Variants in AKT3 observed in about 807,000 individuals in gnomAD.
AKT3 encodes the protein RAC-gamma serine/threonine-protein kinase.
AKT3 carries 15 observed loss-of-function variants against 65.3 expected under a neutral mutation model. That is an observed-to-expected ratio of 0.23 (90% confidence interval 0.15 to 0.35). AKT3 has a LOEUF of 0.35. AKT3 is among the 10% of genes least tolerant of loss of function. The pLI is 1.00. For missense variants in AKT3, 243 were observed against 576.5 expected, an observed-to-expected ratio of 0.42 and a Z score of 5.92; for synonymous variants, 206 against 183.8, an observed-to-expected ratio of 1.12 and a Z score of -0.98.
chr1:243,799,039 G>A (rs892100431), intron 2 of AKT3, among the ~76,000 whole-genome samples: 3 of 152,210 alleles, frequency 2.0e-5, no homozygotes, highest in African/African-American at 7.2e-5. Flanking sequence ...TGAGCTGACT[G>A]ACATAGGACT....
At chr1:243,833,408 G>A (rs536083965) in intron 2 of AKT3, among the ~76,000 whole-genome samples, 47 of 152,184 alleles carry the variant, frequency 3.1e-4, no homozygotes, top group Non-Finnish European at 4.0e-4. Context: ...TTCACAGGGC[G>A]GCAGGAAGGC....
At chr1:243,674,431 C>T (rs1003575685) in intron 3 of AKT3, among the ~76,000 whole-genome samples, 2 of 152,084 alleles carry the variant, frequency 1.3e-5, no homozygotes, top group South Asian at 2.1e-4. Context: ...CACAGACTCA[C>T]GAAGGAAACA....
intron 9 of AKT3, among the ~76,000 whole-genome samples, chr1:243,570,837 T>C (rs1264133444): frequency 6.6e-6 from 1 of 152,244 alleles, no homozygotes; most frequent in East Asian, 1.9e-4. Flanking sequence ...GGCTATATTT[T>C]TTAAGAAATA....
Position 243,552,629 on chromosome 1 carries a change from AT to A in AKT3, c.1163+99del. 2.8e-6 allele frequency: 3 copies of A among 1,082,428 alleles called. No individual in the cohort carries two copies. The South Asian group carries it at 4.2e-5, about 15-fold the overall frequency. The allele number at this position is 1,082,428 out of a possible 1,614,324, so 67.1% of individuals were successfully genotyped here. A position where few individuals can be genotyped will look rare whatever the true frequency, so the allele number is the denominator to read the frequency against. On this transcript the variant is annotated intron_variant, in intron 11 of 13. Transcript: ENST00000673466. ...CTCAGTGGGAAGATGTCTACACCAA[AT>A]ACATTGCTTCTTGGAGTTAGTTATA... is the stretch of plus-strand genomic sequence containing the variant.
Position 243,494,577 on chromosome 1 carries a change from G to A in AKT3, c.*6+5160C>T, listed in dbSNP as rs538761366. Among the ~76,000 whole-genome samples the A allele has an allele frequency of 6.6e-4, 101 of 152,224 alleles. No individual in the cohort carries two copies. The South Asian group carries it at 8.3e-3, about 12-fold the overall frequency. ...TTTTTGTTTTTTGACTGAGCGCCCC[G>A]TGTATAATTAATATTGAAAAGCGCA... is the stretch of plus-strand genomic sequence containing the variant. On this transcript the variant is annotated intron_variant, in intron 13 of 13. Transcript: ENST00000336199.
rs1438358331 is a variant in AKT3, at chr1:243,795,510, C to T, written c.46+47615G>A. 2.1e-4 allele frequency among the ~76,000 whole-genome samples: 23 copies of T among 108,120 alleles called. No homozygotes were observed. In the Admixed American group the frequency reaches 3.2e-3, roughly 15 times the overall value. The allele number at this position is 108,120 out of a possible 152,430, so 70.9% of individuals were successfully genotyped here. ...TTTTTGAGACGGAGTCTCGCTCTGTCGCCCAGGCTGGAGTGCAGTGGCGGG... is the reference window on the plus strand; with the variant it reads ...TTTTTGAGACGGAGTCTCGCTCTGTTGCCCAGGCTGGAGTGCAGTGGCGGG... On this transcript the variant is annotated intron_variant, in intron 2 of 13. Transcript: ENST00000673466.
chr1:243,774,858 G>A (rs1180539207), intron 2 of AKT3, among the ~76,000 whole-genome samples: 1 of 151,946 alleles, frequency 6.6e-6, no homozygotes, highest in Non-Finnish European at 1.5e-5. Flanking sequence ...ATTTCACATT[G>A]TATTCCAATT....
chr1:243,569,939 G>A (rs778883384), intron 9 of AKT3, among the ~76,000 whole-genome samples: 5 of 152,112 alleles, frequency 3.3e-5, no homozygotes, highest in Non-Finnish European at 5.9e-5. Flanking sequence ...AGATTTCTTC[G>A]AAATTTTGGG....
chr1:243,522,856 T>C (rs1297205639), intron 12 of AKT3, among the ~76,000 whole-genome samples: 1 of 152,130 alleles, frequency 6.6e-6, no homozygotes, highest in African/African-American at 2.4e-5. Context: ...GAGAAATTCC[T>C]ATTATATTTC....
chr1:243,615,179 C>T lies in AKT3; in HGVS notation c.562-18G>A. The T allele has an allele frequency of 6.3e-7, 1 of 1,587,062 alleles. No individual in the cohort carries two copies. The highest frequency in any genetic ancestry group is 8.6e-7 in the Non-Finnish European group (1 of 1,160,382). ...ACTTCATCCTACAAAAGAAAAAAAG[C>T]AAACCTTCAATATATGTTTTGAGCA... On this transcript the variant is annotated intron_variant, in intron 6 of 13. Coordinates refer to ENST00000673466, the MANE Select transcript of AKT3 (RefSeq NM_005465.7).
chr1:243,682,071 G>C (rs1312054498), intron 3 of AKT3, among the ~76,000 whole-genome samples: 1 of 151,428 alleles, frequency 6.6e-6, no homozygotes, highest in Non-Finnish European at 1.5e-5. Flanking sequence ...CCTCTTTCTA[G>C]AAACTATAAA....
At chr1:243,722,727 C>T (rs901199430) in intron 2 of AKT3, among the ~76,000 whole-genome samples, 1 of 152,068 alleles carries the variant, frequency 6.6e-6, no homozygotes, top group Non-Finnish European at 1.5e-5. Flanking sequence ...TTCAATAAAA[C>T]ATCAACTAAC....
chr1:243,702,096 C>A (rs1572196489), intron 2 of AKT3, among the ~76,000 whole-genome samples: 1 of 101,736 alleles, frequency 9.8e-6, no homozygotes, highest in Admixed American at 1.2e-4. Flanking sequence ...GGGAGAGAGC[C>A]ATAGAATTTA....
chr1:243,801,312 A>G (rs937875907), intron 2 of AKT3, among the ~76,000 whole-genome samples: 2 of 152,226 alleles, frequency 1.3e-5, no homozygotes, highest in African/African-American at 4.8e-5. Context: ...GAAATCCTTA[A>G]AAGAAAAAAA....
chr1:243,771,728 G>C (rs553438140), intron 2 of AKT3, among the ~76,000 whole-genome samples: 2 of 152,184 alleles, frequency 1.3e-5, no homozygotes, highest in South Asian at 2.1e-4. Flanking sequence ...ATGACAAGCA[G>C]AATGGTCTCA....
chr1:243,613,915 A>C (rs1010460435), intron 7 of AKT3, among the ~76,000 whole-genome samples, 176 bp from the exon 8 acceptor site: 1 of 152,256 alleles, frequency 6.6e-6, no homozygotes, highest in African/African-American at 2.4e-5. Context: ...AACATAAAAC[A>C]AATGTTTAGT....
At chr1:243,702,029 C>A (rs1159620155) in intron 2 of AKT3, among the ~76,000 whole-genome samples, 2 of 147,650 alleles carry the variant, frequency 1.4e-5, no homozygotes, top group Non-Finnish European at 3.0e-5. Context: ...TACATCTATA[C>A]TTAATGCATG....
chr1:243,737,457 C>T (rs763747421), intron 2 of AKT3, among the ~76,000 whole-genome samples: 7 of 151,970 alleles, frequency 4.6e-5, no homozygotes, highest in Non-Finnish European at 1.0e-4. Context: ...CTTTCCCTAC[C>T]ACAGCATTTA....
chr1:243,716,483 T>C (rs1686521384), intron 2 of AKT3, among the ~76,000 whole-genome samples: 1 of 152,174 alleles, frequency 6.6e-6, no homozygotes, highest in South Asian at 2.1e-4. Context: ...AAGAAAATAA[T>C]GCAGTGGTCT....
Sources: gnomAD v4.1 joint callset for allele counts (sites outside exome capture counted in the v4.1 genomes callset) on GRCh38, gnomAD v4.1.1 for gene constraint, MANE v1.5 for transcripts, NCBI Gene and HGNC (gene_info 2026-07-23, HGNC 2026-07-21) for gene names.